Variants in MARCHF11 observed in about 807,000 individuals in gnomAD.
MARCHF11 encodes the protein membrane associated ring-CH-type finger 11.
Under a neutral mutation model 37.3 loss-of-function variants are expected in MARCHF11, and 29 were observed. The observed-to-expected ratio is 0.78, with a 90% confidence interval of 0.58 to 1.06. The LOEUF (loss-of-function observed/expected upper bound fraction) is 1.06. MARCHF11 is among the 50% of genes least tolerant of loss of function. The pLI, the probability that MARCHF11 is intolerant of heterozygous loss-of-function variation, is 0.00. For synonymous variants in MARCHF11, 233 were observed against 228.0 expected (o/e 1.02, Z -0.20); for missense variants, 482 against 533.4 (o/e 0.90, Z 0.95).
intron 2 of MARCHF11, among the ~76,000 whole-genome samples, chr5:16,096,436 G>T (rs539995426): frequency 6.6e-6 from 1 of 152,268 alleles, no homozygotes; most frequent in Admixed American, 6.5e-5. Context: ...ACATGTAAGT[G>T]CCCAGAGATG....
chr5:16,127,437 G>A (rs1737430254), intron 2 of MARCHF11, among the ~76,000 whole-genome samples: 1 of 152,122 alleles, frequency 6.6e-6, no homozygotes, highest in South Asian at 2.1e-4. Context: ...GACTCATACG[G>A]AGCTTGAATG....
intron 2 of MARCHF11, among the ~76,000 whole-genome samples, 177 bp downstream of exon 2, chr5:16,177,549 T>C (rs1441895048): frequency 6.6e-6 from 1 of 152,218 alleles, no homozygotes; most frequent in African/African-American, 2.4e-5. Flanking sequence ...GTTTCTCAGA[T>C]AAAATGTCAT....
At position 16,178,954 on chromosome 5, in the gene MARCHF11, G is replaced by A. The variant is rs1738412500; in HGVS notation, c.537+85C>T. On this transcript the variant is annotated intron_variant, in intron 1 of 3. Coordinates refer to ENST00000332432, the MANE Select transcript of MARCHF11 (RefSeq NM_001102562.3). The stretch of plus-strand genomic sequence containing the variant: ...CTCACTGGAGGCAAACTGGGAGGTA[G>A]GCGTGCGCTGTCCGTGGTGCTGAAA... The A allele has an allele frequency of 6.0e-6, 8 of 1,337,044 alleles. No individual in the cohort carries two copies. The South Asian group carries it at 1.3e-4, about 21-fold the overall frequency. 82.8% of individuals were successfully genotyped at this position (1,337,044 alleles called of 1,614,324 possible). A position where few individuals can be genotyped will look rare whatever the true frequency, so the allele number is the denominator to read the frequency against.
chr5:16,116,652 T>C (rs1296360716), intron 2 of MARCHF11, among the ~76,000 whole-genome samples: 2 of 149,394 alleles, frequency 1.3e-5, no homozygotes, highest in East Asian at 3.9e-4. Context: ...AAAAAAAAAG[T>C]AAAAGCTGCT....
rs145953335 is a variant in MARCHF11 at position 16,122,737 on chromosome 5, G to T, written c.694-31656C>A. 1.1e-3 allele frequency among the ~76,000 whole-genome samples: 170 copies of T among 152,222 alleles called. 2 individuals are homozygous for T. Among genetic ancestry groups the T allele is most frequent in the African/African-American group, 4.0e-3 (165 of 41,530 alleles). On this transcript the variant is annotated intron_variant, in intron 2 of 3. Coordinates refer to ENST00000332432, the MANE Select transcript of MARCHF11 (RefSeq NM_001102562.3). ...CCTAGTTACAGATTAAACCCCTGTGGTAGTAAAGTGAGGAGTCGGGTGAGA... is the reference window on the plus strand; with the variant it reads ...CCTAGTTACAGATTAAACCCCTGTGTTAGTAAAGTGAGGAGTCGGGTGAGA...
intron 2 of MARCHF11, among the ~76,000 whole-genome samples, chr5:16,110,687 C>T (rs1737122304): frequency 6.6e-6 from 1 of 152,200 alleles, no homozygotes; most frequent in Non-Finnish European, 1.5e-5. Flanking sequence ...TTTACATTAT[C>T]ATTATTGATA....
chr5:16,101,114 A>C (rs1000512965), intron 2 of MARCHF11, among the ~76,000 whole-genome samples: 5 of 152,176 alleles, frequency 3.3e-5, no homozygotes, highest in Admixed American at 6.5e-5. Flanking sequence ...TGCATTCTCT[A>C]ATTCTTCCAG....
intron 2 of MARCHF11, among the ~76,000 whole-genome samples, chr5:16,097,378 C>A (rs557151988): frequency 5.6e-4 from 85 of 152,212 alleles, no homozygotes; most frequent in African/African-American, 1.9e-3. Context: ...CTTATCAGAG[C>A]TGAGCTAAAG....
chr5:16,130,716 T>C (rs1737502751), intron 2 of MARCHF11, among the ~76,000 whole-genome samples: 1 of 152,186 alleles, frequency 6.6e-6, no homozygotes, highest in African/African-American at 2.4e-5. Flanking sequence ...CTAATTTGTA[T>C]TGTCATTTTT....
intron 2 of MARCHF11, among the ~76,000 whole-genome samples, chr5:16,093,574 A>T (rs899617605): frequency 6.6e-6 from 1 of 152,128 alleles, no homozygotes; most frequent in Non-Finnish European, 1.5e-5. Context: ...TCTGTATGGC[A>T]TGCTTCTGAC....
intron 3 of MARCHF11, among the ~76,000 whole-genome samples, chr5:16,068,353 T>G (rs1267669076): frequency 2.0e-5 from 3 of 152,228 alleles, no homozygotes; most frequent in Non-Finnish European, 4.4e-5. Context: ...ACTTTAGAGC[T>G]TTATGAATAT....
chr5:16,088,483 C>A (rs760400755), intron 3 of MARCHF11, among the ~76,000 whole-genome samples: 24 of 152,102 alleles, frequency 1.6e-4, no homozygotes, highest in Non-Finnish European at 3.2e-4. Context: ...ATCTTCCAGT[C>A]GGGAGTATTT....
intron 2 of MARCHF11, among the ~76,000 whole-genome samples, chr5:16,124,128 C>T (rs977193354): frequency 2.1e-4 from 32 of 152,208 alleles, no homozygotes; most frequent in African/African-American, 7.2e-4. Context: ...ATTTTAAGAG[C>T]TTCTGAGCAT....
intron 2 of MARCHF11, among the ~76,000 whole-genome samples, chr5:16,116,832 C>T (rs182746303): frequency 5.3e-5 from 8 of 152,240 alleles, no homozygotes; most frequent in Non-Finnish European, 1.0e-4. Context: ...ATAGAAGTTG[C>T]TTTCTCTGAA....
intron 2 of MARCHF11, among the ~76,000 whole-genome samples, chr5:16,098,204 C>A (rs370138447): frequency 1.1e-4 from 16 of 152,138 alleles, no homozygotes; most frequent in South Asian, 2.1e-4. Context: ...TGGGATCATA[C>A]CTAATTGTGT....
intron 2 of MARCHF11, among the ~76,000 whole-genome samples, chr5:16,127,955 G>A (rs999228189): frequency 2.0e-5 from 3 of 152,062 alleles, no homozygotes; most frequent in Non-Finnish European, 4.4e-5. Flanking sequence ...CATGAACTTG[G>A]CAATGGCTAC....
intron 2 of MARCHF11, among the ~76,000 whole-genome samples, chr5:16,133,182 C>T (rs1010728714): frequency 1.3e-5 from 2 of 152,090 alleles, no homozygotes; most frequent in Non-Finnish European, 2.9e-5. Flanking sequence ...CAGTTCCTCC[C>T]ACTAAGAAGT....
intron 2 of MARCHF11, among the ~76,000 whole-genome samples, chr5:16,123,275 C>T (rs1469524698): frequency 6.6e-6 from 1 of 152,042 alleles, no homozygotes; most frequent in African/African-American, 2.4e-5. Flanking sequence ...CGGGTGGGTC[C>T]TAATCTCAAA....
In MARCHF11 at chr5:16,179,352, C is replaced by G. The variant is rs1276507195; in HGVS notation, c.224G>C (p.Arg75Pro). ...CGGCAGCTCGTCCGCTCCCCTGCAC[C>G]GCGGGGCCACCTCCCCTAGCGGCTC... ...PSEPLGEVAP[R>P]CRGADELPPP... The change falls in exon 1 of 4, where the codon CGG becomes CCG. Residue 75 changes from arginine to proline, a missense_variant. Coordinates refer to ENST00000332432, the MANE Select transcript of MARCHF11 (RefSeq NM_001102562.3). The G allele has an allele frequency of 1.7e-6, 2 of 1,185,254 alleles. No individual in the cohort carries two copies. Among genetic ancestry groups the G allele is most frequent in the African/African-American group, 3.2e-5 (2 of 61,948 alleles). The allele number at this position is 1,185,254 out of a possible 1,614,324, so 73.4% of individuals were successfully genotyped here.
Sources: allele counts gnomAD v4.1 joint callset (sites outside exome capture counted in the v4.1 genomes callset), GRCh38; gene constraint gnomAD v4.1.1; transcripts MANE v1.5; gene names NCBI Gene and HGNC (gene_info 2026-07-23, HGNC 2026-07-21).